Variants in CTNND2 observed in about 807,000 individuals in gnomAD.
CTNND2 encodes the protein catenin delta 2, also known as catenin delta-2.
A neutral mutation model predicts 144.4 loss-of-function variants in CTNND2; 22 were observed. The ratio of observed to expected loss-of-function variants is 0.15; its 90% CI spans 0.11 to 0.22. The LOEUF (loss-of-function observed/expected upper bound fraction) is 0.22, where lower values mean the gene tolerates loss of function less well. CTNND2 is among the 10% of genes least tolerant of loss of function. The pLI is 1.00. For missense variants in CTNND2, 1,353 were observed against 1,618.8 expected (o/e 0.84, Z 2.82); for synonymous variants, 751 against 695.6 (o/e 1.08, Z -1.25).
At chr5:11,860,873 T>C (rs1795472301) in intron 1 of CTNND2, among the ~76,000 whole-genome samples, 1 of 151,568 alleles carries the variant, frequency 6.6e-6, no homozygotes, top group Non-Finnish European at 1.5e-5. Flanking sequence ...CTGCCTAAAT[T>C]GCCATCTACA....
chr5:11,417,713 T>C (rs1217984040), intron 3 of CTNND2, among the ~76,000 whole-genome samples: 1 of 152,140 alleles, frequency 6.6e-6, no homozygotes, highest in Non-Finnish European at 1.5e-5. Context: ...AGTAAATTAG[T>C]GAAACACACA....
chr5:11,230,336 G>A (rs1384223663), intron 10 of CTNND2, among the ~76,000 whole-genome samples: 3 of 143,664 alleles, frequency 2.1e-5, no homozygotes, highest in Non-Finnish European at 3.0e-5. Flanking sequence ...CCTGTACAAT[G>A]TGCACATGTA....
At chr5:11,610,768 T>C (rs1476007478) in intron 2 of CTNND2, among the ~76,000 whole-genome samples, 1 of 152,186 alleles carries the variant, frequency 6.6e-6, no homozygotes, top group Non-Finnish European at 1.5e-5. Flanking sequence ...TATTAGAGGT[T>C]TGTCTACACT....
intron 1 of CTNND2, among the ~76,000 whole-genome samples, chr5:11,767,842 C>G (rs1295959659): frequency 1.3e-5 from 2 of 151,996 alleles, no homozygotes; most frequent in Non-Finnish European, 2.9e-5. Context: ...CCTGGCTAGA[C>G]CATTGTACAT....
chr5:11,891,574 C>T (rs936732468), intron 1 of CTNND2, among the ~76,000 whole-genome samples: 3 of 152,060 alleles, frequency 2.0e-5, no homozygotes, highest in African/African-American at 4.8e-5. Flanking sequence ...GGGATGGGGC[C>T]CTCAAGAAGG....
chr5:11,690,963 G>GT (rs1367039985), intron 2 of CTNND2, among the ~76,000 whole-genome samples: 2 of 152,136 alleles, frequency 1.3e-5, no homozygotes, highest in African/African-American at 4.8e-5. Flanking sequence ...TTAACAAAAT[G>GT]TAATGATTGT....
chr5:11,652,986 A>C (rs1039744211), intron 2 of CTNND2, among the ~76,000 whole-genome samples: 1 of 151,770 alleles, frequency 6.6e-6, no homozygotes, highest in African/African-American at 2.4e-5. Context: ...TTCTGTGTCT[A>C]GCTTATTTTA....
intron 2 of CTNND2, among the ~76,000 whole-genome samples, chr5:11,674,703 T>G (rs1413247570): frequency 1.4e-5 from 2 of 144,884 alleles, no homozygotes; most frequent in East Asian, 4.1e-4. Flanking sequence ...TATGCAGTTT[T>G]TTTGTTTGTT....
chr5:11,740,584 AC>A (rs1263784780), intron 1 of CTNND2, among the ~76,000 whole-genome samples: 1 of 152,196 alleles, frequency 6.6e-6, no homozygotes, highest in African/African-American at 2.4e-5. Context: ...AACCATAAAA[AC>A]CCTAGAAGAA....
At chr5:11,774,659 T>G (rs1790152948) in intron 1 of CTNND2, among the ~76,000 whole-genome samples, 1 of 151,988 alleles carries the variant, frequency 6.6e-6, no homozygotes, top group African/African-American at 2.4e-5. Context: ...AATATGGAAG[T>G]AGTATGTATC....
intron 2 of CTNND2, among the ~76,000 whole-genome samples, chr5:11,662,203 A>ATGCATATATGTGTATATATG (rs1783281765): frequency 7.2e-6 from 1 of 139,070 alleles, no homozygotes; most frequent in African/African-American, 2.9e-5. Flanking sequence ...ATGTGTATAT[A>ATGCATATATGTGTATATATG]TGTATATATA....
intron 2 of CTNND2, among the ~76,000 whole-genome samples, chr5:11,657,604 C>T (rs1653830503): frequency 6.6e-6 from 1 of 151,978 alleles, no homozygotes; most frequent in South Asian, 2.1e-4. Context: ...TAATTCTGAC[C>T]ATTAGTCAAA....
At chr5:11,546,617 G>T (rs1025527207) in intron 3 of CTNND2, among the ~76,000 whole-genome samples, 2 of 152,040 alleles carry the variant, frequency 1.3e-5, no homozygotes, top group Admixed American at 1.3e-4. Flanking sequence ...TTAAAAAAAA[G>T]AACATTTCCA....
At chr5:11,267,505 A>G (rs1252563643) in intron 9 of CTNND2, among the ~76,000 whole-genome samples, 1 of 152,196 alleles carries the variant, frequency 6.6e-6, no homozygotes, top group African/African-American at 2.4e-5. Context: ...GCCCTTTAAG[A>G]TATTTTTATT....
intron 16 of CTNND2, among the ~76,000 whole-genome samples, chr5:11,060,407 C>A (rs992987371): frequency 6.6e-6 from 1 of 151,784 alleles, no homozygotes; most frequent in African/African-American, 2.4e-5. Context: ...AGGATGACTA[C>A]ACACACACAC....
Position 11,058,927 on chromosome 5 carries a change from T to C in CTNND2, c.2788+23769A>G, listed in dbSNP as rs548411104. Among the ~76,000 whole-genome samples the C allele has an allele frequency of 4.6e-5, 7 of 152,336 alleles. No individual in the cohort carries two copies. In the South Asian group the frequency reaches 1.2e-3, roughly 27 times the overall value. On this transcript the variant is annotated intron_variant, in intron 16 of 21. Transcript: ENST00000304623. ...GGATTTCAGACTTGCATGGGTCCTGTAGCCCCTTTGTTTTGGCCAATTTCT... is the reference window on the plus strand; with the variant it reads ...GGATTTCAGACTTGCATGGGTCCTGCAGCCCCTTTGTTTTGGCCAATTTCT...
At chr5:11,692,972 A>G (rs1216308125) in intron 2 of CTNND2, among the ~76,000 whole-genome samples, 1 of 152,212 alleles carries the variant, frequency 6.6e-6, no homozygotes, top group Non-Finnish European at 1.5e-5. Context: ...TTATCTCCCC[A>G]AAACTCCAGT....
At chr5:11,799,107 T>C (rs1262075704) in intron 1 of CTNND2, among the ~76,000 whole-genome samples, 1 of 152,196 alleles carries the variant, frequency 6.6e-6, no homozygotes, top group African/African-American at 2.4e-5. Flanking sequence ...CCTCAATTCA[T>C]ACTAAAGATT....
At chr5:11,458,178 AG>A (rs1463930305) in intron 3 of CTNND2, among the ~76,000 whole-genome samples, 2 of 152,324 alleles carry the variant, frequency 1.3e-5, no homozygotes, top group African/African-American at 4.8e-5. Flanking sequence ...GTCCTCACCA[AG>A]GGGTCTACTC....
Sources: gnomAD v4.1 joint callset for allele counts (sites outside exome capture counted in the v4.1 genomes callset) on GRCh38, gnomAD v4.1.1 for gene constraint, MANE v1.5 for transcripts, NCBI Gene and HGNC (gene_info 2026-07-23, HGNC 2026-07-21) for gene names.